MORN3: variants seen among roughly 807,000 people sequenced by gnomAD.
MORN3 encodes MORN repeat containing 3, also known as MORN repeat-containing protein 3.
A neutral mutation model predicts 34.7 loss-of-function variants in MORN3; 38 were observed. That is an observed-to-expected ratio of 1.10 (90% CI 0.85 to 1.44). The LOEUF is 1.44. Ranked by LOEUF, MORN3 falls within the 40% of genes most tolerant of loss-of-function variation. MORN3 has a pLI of 0.00. For missense variants in MORN3, 311 were observed against 321.7 expected, an observed-to-expected ratio of 0.97 and a Z score of 0.25; for synonymous variants, 109 against 115.3, an observed-to-expected ratio of 0.95 and a Z score of 0.35.
Position 121,669,637 on chromosome 12 carries a change from A to C in MORN3, c.-154T>G, listed in dbSNP as rs1482675347. On this transcript the variant is annotated 5_prime_UTR_variant, in exon 1 of 6. Coordinates refer to ENST00000355329, the MANE Select transcript of MORN3 (RefSeq NM_173855.5). ...GGCAGGTGAACAGCCCTTAGTGGGG[A>C]TCCTTTAGTGCTGGACTGACCTTTG... The C allele has an allele frequency of 7.4e-6, 8 of 1,076,260 alleles. No individual in the cohort carries two copies. The highest frequency in any genetic ancestry group is 9.3e-6 in the Non-Finnish European group (7 of 748,918). The allele number at this position is 1,076,260 out of a possible 1,614,324, so 66.7% of individuals were successfully genotyped here.
upstream of MORN3, among the ~76,000 whole-genome samples, chr12:121,670,719 G>T (rs559002234): frequency 6.6e-6 from 1 of 152,110 alleles, no homozygotes; most frequent in Non-Finnish European, 1.5e-5. Flanking sequence ...TGAGGCATGA[G>T]AACAGCTTGA....
In MORN3 at chr12:121,654,225, G is replaced by A. The variant is rs1893336436; in HGVS notation, c.463+49C>T. The A allele has an allele frequency of 2.7e-6, 4 of 1,470,824 alleles. No homozygotes were observed. In the South Asian group the frequency reaches 5.2e-5, roughly 19 times the overall value. 91.1% of individuals were successfully genotyped at this position (1,470,824 alleles called of 1,614,324 possible). ...ACCAAATGGGCGTGGCCAGCTCGCT[G>A]CCGGGGGCGTGGTCGGGTGGGCGGG... On this transcript the variant is annotated intron_variant, in intron 3 of 5. Coordinates refer to ENST00000355329, the MANE Select transcript of MORN3 (RefSeq NM_173855.5).
rs760258147 is a variant in MORN3 at position 121,659,304 on chromosome 12, C to T, written c.190G>A (p.Gly64Arg). 26 of 1,613,940 alleles carry T rather than the reference C, an allele frequency of 1.6e-5. No homozygotes were observed. The South Asian group carries it at 2.3e-4, about 14-fold the overall frequency. ...VWKKKGAIYE[G>R]DWKFGKRDGY... ...TCTCGCTTCCCAAACTTCCAGTCCC[C>T]CTCATAGATGGCTCCTTTCTTCTTC... Residue 64 changes from glycine to arginine, a missense_variant, in exon 2 of 6, where the codon GGG becomes AGG. Physicochemically the swap from Gly to Arg is moderately radical, Grantham distance 125 (BLOSUM62 -2). Transcript: ENST00000355329.
At position 121,652,818 on chromosome 12, in the gene MORN3, A is replaced by T. The variant is rs149780620; in HGVS notation, c.649-10T>A. On this transcript the variant is annotated splice_polypyrimidine_tract_variant and intron_variant, in intron 4 of 5. Transcript: ENST00000355329. ...GGTCTAGGATTTTGACCTGGAGGGAAATACCAAGAAGTTGGTTTGGAGAGC... is the reference window on the plus strand; with the variant it reads ...GGTCTAGGATTTTGACCTGGAGGGATATACCAAGAAGTTGGTTTGGAGAGC... 6.2e-7 allele frequency: 1 copy of T among 1,614,166 alleles called. No homozygotes were observed. The highest frequency in any genetic ancestry group is 8.5e-7 in the Non-Finnish European group (1 of 1,179,988).
Position 121,664,224 on chromosome 12 carries a change from A to G in MORN3, c.146-4876T>C, listed in dbSNP as rs554579570. Among the ~76,000 whole-genome samples, 127 of 152,284 alleles carry G rather than the reference A, an allele frequency of 8.3e-4. 4 individuals are homozygous for G. The South Asian group carries it at 0.025, about 30-fold the overall frequency. The stretch of plus-strand genomic sequence containing the variant: ...AAGCCCCTGAATCCCACCATGGCTG[A>G]ACTTGCATTACTGAAGCCCTCCTGA... On this transcript the variant is annotated intron_variant, in intron 1 of 5. Transcript: ENST00000355329.
At position 121,669,315 on chromosome 12, in the gene MORN3, C is replaced by T. The variant is rs759895134; in HGVS notation, c.145+24G>A. The T allele has an allele frequency of 1.3e-4, 206 of 1,611,146 alleles. 2 individuals carry two copies. The Admixed American group carries it at 3.3e-3, about 26-fold the overall frequency. Reference sequence around the variant, plus strand: ...ACTGTGGCTCTGACCCCACTCCGGCCGCCCGTCCCGGAGTCCCACTCACCG... The same window carrying T: ...ACTGTGGCTCTGACCCCACTCCGGCTGCCCGTCCCGGAGTCCCACTCACCG... On this transcript the variant is annotated intron_variant, in intron 1 of 5. Transcript: ENST00000355329.
intron 1 of MORN3, among the ~76,000 whole-genome samples, chr12:121,662,530 CGGATGA>C (rs1174010577): frequency 1.3e-5 from 2 of 151,822 alleles, no homozygotes; most frequent in Admixed American, 6.6e-5. Context: ...CCGAGGCAGG[CGGATGA>C]TGAGGTCAGG....
At chr12:121,659,602 T>C (rs1893519922) in intron 1 of MORN3, among the ~76,000 whole-genome samples, 1 of 151,350 alleles carries the variant, frequency 6.6e-6, no homozygotes, top group East Asian at 2.0e-4. Flanking sequence ...TGGCGCGATC[T>C]CAGCTCACTG....
intron 1 of MORN3, among the ~76,000 whole-genome samples, chr12:121,659,573 C>T (rs1277474870): frequency 6.6e-6 from 1 of 151,246 alleles, no homozygotes; most frequent in African/African-American, 2.4e-5. Flanking sequence ...CTCACTCTGT[C>T]GCCCAGGCTG....
chr12:121,670,162 A>G (rs1242290977), upstream of MORN3, among the ~76,000 whole-genome samples: 1 of 152,070 alleles, frequency 6.6e-6, no homozygotes, highest in African/African-American at 2.4e-5. Context: ...GGCATGAGCC[A>G]CTGAGCCAAA....
intron 2 of MORN3, among the ~76,000 whole-genome samples, chr12:121,656,097 C>A (rs1476773405): frequency 6.6e-6 from 1 of 152,134 alleles, no homozygotes; most frequent in African/African-American, 2.4e-5. Context: ...AGATCACACC[C>A]GAGGAGGTTG....
chr12:121,658,120 G>C (rs569518813), intron 2 of MORN3, among the ~76,000 whole-genome samples: 2 of 152,206 alleles, frequency 1.3e-5, no homozygotes, highest in East Asian at 3.9e-4. Context: ...ACTGATTTGA[G>C]TAATAATACA....
In MORN3 at chr12:121,669,616, G is replaced by A. The variant is rs1476612011; in HGVS notation, c.-133C>T. ...ATGTGTGTTCTGAGTCCCTGGGGCA[G>A]GTGAACAGCCCTTAGTGGGGATCCT... On this transcript the variant is annotated 5_prime_UTR_variant, in exon 1 of 6. Coordinates refer to ENST00000355329, the MANE Select transcript of MORN3 (RefSeq NM_173855.5). The A allele has an allele frequency of 1.6e-6, 2 of 1,281,722 alleles. No homozygotes were observed. The highest frequency in any genetic ancestry group is 1.1e-6 in the Non-Finnish European group (1 of 918,078). 79.4% of individuals were successfully genotyped at this position (1,281,722 alleles called of 1,614,324 possible).
At chr12:121,654,471 C>T in intron 2 of MORN3, 38 bp from the exon 3 acceptor site, 1 of 1,529,628 alleles carries the variant, frequency 6.5e-7, no homozygotes, top group South Asian at 1.2e-5. Flanking sequence ...GGGCGCCCCC[C>T]AACACCACCA....
At chr12:121,659,141 A>ACACACACACGCG (rs1893502640) in intron 2 of MORN3, 50 bp downstream of exon 2, 1 of 375,540 alleles carries the variant, frequency 2.7e-6, no homozygotes, top group Admixed American at 6.6e-5. Flanking sequence ...ACGCGCGCAC[A>ACACACACACGCG]CACACACACA....
At chr12:121,669,257 G>A in intron 1 of MORN3, 82 bp downstream of exon 1, 1 of 1,566,686 alleles carries the variant, frequency 6.4e-7, no homozygotes, top group African/African-American at 1.3e-5. Context: ...TCCCCAGTGA[G>A]CTCTGCACTC....
intron 1 of MORN3, among the ~76,000 whole-genome samples, chr12:121,661,046 C>G (rs1188029469): frequency 6.6e-6 from 1 of 152,096 alleles, no homozygotes; most frequent in African/African-American, 2.4e-5. Context: ...GCCTCAACCA[C>G]CCAGGCTCAA....
chr12:121,667,217 C>T (rs530425719), intron 1 of MORN3, among the ~76,000 whole-genome samples: 107 of 152,050 alleles, frequency 7.0e-4, no homozygotes, highest in Non-Finnish European at 1.2e-3. Flanking sequence ...CTGTCTCGGC[C>T]TCCCAAAGTG....
intron 1 of MORN3, among the ~76,000 whole-genome samples, chr12:121,668,722 C>T: frequency 6.7e-6 from 1 of 149,586 alleles, no homozygotes; most frequent in Admixed American, 6.7e-5. Context: ...CTTGTCCCCT[C>T]AAAAAAAAAG....
Sources: allele counts gnomAD v4.1 joint callset (sites outside exome capture counted in the v4.1 genomes callset), GRCh38; gene constraint gnomAD v4.1.1; transcripts MANE v1.5; gene names NCBI Gene and HGNC (gene_info 2026-07-23, HGNC 2026-07-21).